The following MLLT3 variants were observed in gnomAD, a reference collection of about 807,000 sequenced individuals.
MLLT3 encodes protein AF-9.
Under a neutral mutation model 53.2 loss-of-function variants are expected in MLLT3, and 4 were observed. That is an observed-to-expected ratio of 0.08 (90% CI 0.04 to 0.17). The LOEUF (loss-of-function observed/expected upper bound fraction) is 0.17. Among genes scored for constraint, MLLT3 ranks in the 10% least tolerant of loss-of-function variants. The pLI, the probability that MLLT3 is intolerant of heterozygous loss-of-function variation, is 1.00. For missense variants in MLLT3, 569 were observed against 684.0 expected (o/e 0.83, Z 1.87); for synonymous variants, 283 against 230.6 (o/e 1.23, Z -2.06).
Position 20,587,819 on chromosome 9 carries a change from T to C in MLLT3, c.193+32835A>G, listed in dbSNP as rs868155816. On this transcript the variant is annotated intron_variant, in intron 2 of 10. Transcript: ENST00000380338. ...CTGTTCACTCTGATGGTAGTTTCTT[T>C]TGCTGTGCAGAAGCTCTTTAGTTTA... Among the ~76,000 whole-genome samples, 594 of 152,258 alleles carry C rather than the reference T, an allele frequency of 3.9e-3. 1 individual carries two copies. Among genetic ancestry groups the C allele is most frequent in the African/African-American group, 0.013 (558 of 41,504 alleles).
chr9:20,457,307 G>A (rs1823995849), intron 2 of MLLT3, among the ~76,000 whole-genome samples: 1 of 136,472 alleles, frequency 7.3e-6, no homozygotes, highest in Admixed American at 8.0e-5. Flanking sequence ...GGAGTGCAAT[G>A]GTGTGATCTT....
intron 5 of MLLT3, among the ~76,000 whole-genome samples, chr9:20,391,218 C>T (rs975672502): frequency 6.6e-6 from 1 of 152,130 alleles, no homozygotes; most frequent in African/African-American, 2.4e-5. Context: ...TGACATCAAT[C>T]AATCATTTTG....
At position 20,344,475 on chromosome 9, in the gene MLLT3, C is replaced by A. The variant is rs1257939463; in HGVS notation, c.*1968G>T. On this transcript the variant is annotated 3_prime_UTR_variant, in exon 11 of 11. Transcript: ENST00000380338. ...AAAACAAAACGCAACTGAAACCACA[C>A]AATTCATCAATCACCTAATGTCCAA... The A allele has an allele frequency of 4.5e-6, 1 of 219,894 alleles. No homozygotes were observed. Among genetic ancestry groups the A allele is most frequent in the Non-Finnish European group, 9.1e-6 (1 of 109,472 alleles). 13.6% of individuals were successfully genotyped at this position (219,894 alleles called of 1,614,324 possible). A position where few individuals can be genotyped will look rare whatever the true frequency, so the allele number is the denominator to read the frequency against.
At chr9:20,416,212 A>T (rs1822867537) in intron 4 of MLLT3, among the ~76,000 whole-genome samples, 1 of 152,066 alleles carries the variant, frequency 6.6e-6, no homozygotes, top group Non-Finnish European at 1.5e-5. Context: ...AATATCCTTG[A>T]GTTTTTTTCA....
intron 2 of MLLT3, among the ~76,000 whole-genome samples, chr9:20,483,421 A>T (rs1301970568): frequency 6.7e-6 from 1 of 150,262 alleles, no homozygotes; most frequent in Non-Finnish European, 1.5e-5. Flanking sequence ...TTTTAACTTT[A>T]AGGATCTCAC....
At chr9:20,613,549 T>G (rs1000971081) in intron 2 of MLLT3, among the ~76,000 whole-genome samples, 3 of 152,130 alleles carry the variant, frequency 2.0e-5, no homozygotes, top group African/African-American at 7.2e-5. Flanking sequence ...TAGTGGGGAT[T>G]TGAATGTTTG....
At chr9:20,569,217 T>A (rs998241152) in intron 2 of MLLT3, among the ~76,000 whole-genome samples, 1 of 152,186 alleles carries the variant, frequency 6.6e-6, no homozygotes, top group Non-Finnish European at 1.5e-5. Context: ...CTTACTTATG[T>A]GCCTCCCATG....
chr9:20,463,355 AGC>A (rs1824159735), intron 2 of MLLT3, among the ~76,000 whole-genome samples: 1 of 152,150 alleles, frequency 6.6e-6, no homozygotes. Context: ...CATTAGAGTT[AGC>A]AAAGCCCATG....
intron 2 of MLLT3, among the ~76,000 whole-genome samples, chr9:20,573,188 G>GTTT (rs59285839): frequency 2.1e-5 from 3 of 141,708 alleles, no homozygotes; most frequent in Non-Finnish European, 3.0e-5. Flanking sequence ...TTTTTGTTTT[G>GTTT]TTTTTTTTTT....
At chr9:20,541,435 G>A (rs779695713) in intron 2 of MLLT3, among the ~76,000 whole-genome samples, 3 of 152,172 alleles carry the variant, frequency 2.0e-5, no homozygotes, top group Non-Finnish European at 2.9e-5. Flanking sequence ...AAATTTAACT[G>A]ACTCACAGTT....
intron 5 of MLLT3, among the ~76,000 whole-genome samples, chr9:20,374,975 A>G (rs1337593476): frequency 6.6e-6 from 1 of 152,248 alleles, no homozygotes; most frequent in Non-Finnish European, 1.5e-5. Flanking sequence ...TTGTAAGAAC[A>G]GACACCAAAG....
chr9:20,583,773 C>T (rs902452991), intron 2 of MLLT3, among the ~76,000 whole-genome samples: 10 of 152,092 alleles, frequency 6.6e-5, no homozygotes, highest in Admixed American at 5.9e-4. Context: ...GCATGGGGAC[C>T]CTGGGCCCAG....
At chr9:20,409,490 C>G (rs900681890) in intron 5 of MLLT3, among the ~76,000 whole-genome samples, 1 of 152,184 alleles carries the variant, frequency 6.6e-6, no homozygotes, top group Non-Finnish European at 1.5e-5. Context: ...CACTGATACA[C>G]TCCCTTTGCA....
At chr9:20,514,165 G>A (rs1817839640) in intron 2 of MLLT3, among the ~76,000 whole-genome samples, 1 of 152,218 alleles carries the variant, frequency 6.6e-6, no homozygotes. Context: ...GTATGGAAGT[G>A]TAGGGGTGTA....
In MLLT3 at chr9:20,582,509, T is replaced by C. The variant is rs563174610; in HGVS notation, c.193+38145A>G. Among the ~76,000 whole-genome samples, 9 of 152,330 alleles carry C rather than the reference T, an allele frequency of 5.9e-5. No individual in the cohort carries two copies. The South Asian group carries it at 1.0e-3, about 18-fold the overall frequency. On this transcript the variant is annotated intron_variant, in intron 2 of 10. Coordinates refer to ENST00000380338, the MANE Select transcript of MLLT3 (RefSeq NM_004529.4). ...TCATATAATATGTAGGCTTTTCAGA[T>C]TGGCTTCTTTCAATTGGCAATATGC...
chr9:20,414,000 A>C lies in MLLT3; in HGVS notation c.846T>G (p.Ser282Arg). Residue 282 changes from serine (S) to arginine (R), a missense_variant, in exon 5 of 11, where the codon AGT becomes AGG. Ser to Arg is a moderately radical substitution (Grantham distance 110, BLOSUM62 -1). Transcript: ENST00000380338. ...ITSGQDKKAP[S>R]KRPPISDSEE... is the part of the protein sequence containing the mutation. ...CAGAATCTGAAATGGGCGGCCTTTT[A>C]CTAGGAGCCTTCTTATCTTGTCCAC... 6.2e-7 allele frequency: 1 copy of C among 1,614,108 alleles called. No homozygotes were observed. The highest frequency in any genetic ancestry group is 8.5e-7 in the Non-Finnish European group (1 of 1,180,010).
At chr9:20,552,770 A>T (rs559336261) in intron 2 of MLLT3, among the ~76,000 whole-genome samples, 1 of 152,170 alleles carries the variant, frequency 6.6e-6, no homozygotes, top group African/African-American at 2.4e-5. Flanking sequence ...GTTTTAATAG[A>T]AAGTTTAAGA....
intron 4 of MLLT3, among the ~76,000 whole-genome samples, chr9:20,433,724 T>C (rs1415283492): frequency 6.6e-6 from 1 of 151,974 alleles, no homozygotes; most frequent in Non-Finnish European, 1.5e-5. Context: ...TTCATGAAAG[T>C]CAAGGAAAGA....
At position 20,346,391 on chromosome 9, in the gene MLLT3, A is replaced by G; in HGVS notation, c.*52T>C. 1 of 1,471,446 alleles carries G rather than the reference A, an allele frequency of 6.8e-7. No homozygotes were observed. The highest frequency in any genetic ancestry group is 9.0e-7 in the Non-Finnish European group (1 of 1,106,712). 91.1% of individuals were successfully genotyped at this position (1,471,446 alleles called of 1,614,324 possible). A position where few individuals can be genotyped will look rare whatever the true frequency, so the allele number is the denominator to read the frequency against. ...AAAAAATCACAACCAAAAAAAAAAA[A>G]AACCAAAAAAAAAAAACACAATAGT... On this transcript the variant is annotated 3_prime_UTR_variant, in exon 11 of 11. Coordinates refer to ENST00000380338, the MANE Select transcript of MLLT3 (RefSeq NM_004529.4).
Sources: allele counts gnomAD v4.1 joint callset (sites outside exome capture counted in the v4.1 genomes callset), GRCh38; gene constraint gnomAD v4.1.1; transcripts MANE v1.5; gene names NCBI Gene and HGNC (gene_info 2026-07-23, HGNC 2026-07-21).